The following DCAF17 variants were observed in gnomAD, a reference collection of about 807,000 sequenced individuals.
DCAF17 encodes DDB1 and CUL4 associated factor 17, also known as DDB1- and CUL4-associated factor 17.
Under a neutral mutation model 66.0 loss-of-function variants are expected in DCAF17, and 48 were observed. The observed-to-expected ratio is 0.73, with a 90% CI of 0.58 to 0.92. The LOEUF is 0.92. Ranked by LOEUF, DCAF17 falls within the 40% of genes least tolerant of loss-of-function variation. The probability of loss-of-function intolerance (pLI) is 0.00; values close to 1 mark genes in which losing one functional copy is unlikely to be tolerated. For synonymous variants in DCAF17, 206 were observed against 214.6 expected (o/e 0.96, Z 0.35); for missense variants, 562 against 622.8 (o/e 0.90, Z 1.04).
chr2:171,448,967 C>A, intron 4 of DCAF17, 150 bp downstream of exon 4: 1 of 701,810 alleles, frequency 1.4e-6, no homozygotes, highest in Non-Finnish European at 2.4e-6. Flanking sequence ...CCCCTCATGA[C>A]TACATTTAGA....
At position 171,434,278 on chromosome 2, in the gene DCAF17, A is replaced by C; in HGVS notation, c.-300A>C. ...TAGGAACTACATTTCCCGGTGAGAG[A>C]GCGGCTCCGGCCGGCCGCGCGGTAC... On this transcript the variant is annotated 5_prime_UTR_variant, in exon 1 of 14. Transcript: ENST00000375255. 1 of 552,346 alleles carries C rather than the reference A, an allele frequency of 1.8e-6. No individual in the cohort carries two copies. The highest frequency in any genetic ancestry group is 1.5e-5 in the South Asian group (1 of 65,122). The allele number at this position is 552,346 out of a possible 1,614,324, so 34.2% of individuals were successfully genotyped here. A position where few individuals can be genotyped will look rare whatever the true frequency, so the allele number is the denominator to read the frequency against.
intron 8 of DCAF17, 53 bp downstream of exon 8, chr2:171,458,530 A>T: frequency 7.5e-7 from 1 of 1,337,910 alleles, no homozygotes; most frequent in East Asian, 2.3e-5. Flanking sequence ...GTGGTCATAT[A>T]AATAGTTATT....
At chr2:171,447,521 C>T (rs1181334217) in intron 3 of DCAF17, 1 of 173,502 alleles carries the variant, frequency 5.8e-6, no homozygotes, top group Non-Finnish European at 1.2e-5. Context: ...CCGCAACGCC[C>T]AGCTAATTTT....
chr2:171,484,069 G>A lies in DCAF17; in HGVS notation c.*2955G>A. 1 of 454,028 alleles carries A rather than the reference G, an allele frequency of 2.2e-6. No individual in the cohort carries two copies. Among genetic ancestry groups the A allele is most frequent in the Non-Finnish European group, 4.4e-6 (1 of 226,770 alleles). 28.1% of individuals were successfully genotyped at this position (454,028 alleles called of 1,614,324 possible). On this transcript the variant is annotated 3_prime_UTR_variant, in exon 14 of 14. Transcript: ENST00000375255. ...GATACAAGTCACACATAAATTGACA[G>A]AAAATGTAGTTCTTCATTCAATGGT... is the stretch of plus-strand genomic sequence containing the variant.
At chr2:171,457,575 T>G (rs1202358204) in intron 6 of DCAF17, among the ~76,000 whole-genome samples, 1 of 152,224 alleles carries the variant, frequency 6.6e-6, no homozygotes, top group Non-Finnish European at 1.5e-5. Flanking sequence ...TAAAGAACAT[T>G]TTAGCATAAA....
At chr2:171,455,463 A>T (rs943432240) in intron 6 of DCAF17, among the ~76,000 whole-genome samples, 2 of 152,170 alleles carry the variant, frequency 1.3e-5, no homozygotes, top group African/African-American at 4.8e-5. Flanking sequence ...GCTGCAGTGA[A>T]CGTATATGTG....
chr2:171,439,896 C>T (rs926817493), intron 2 of DCAF17, among the ~76,000 whole-genome samples: 2 of 152,154 alleles, frequency 1.3e-5, no homozygotes, highest in African/African-American at 4.8e-5. Context: ...TGCCACTGCA[C>T]TCCAGCCTGG....
intron 1 of DCAF17, 71 bp downstream of exon 1, chr2:171,434,774 C>T (rs1328640914): frequency 2.2e-6 from 3 of 1,385,986 alleles, no homozygotes; most frequent in Non-Finnish European, 2.8e-6. Context: ...TGCGGGGATG[C>T]GGTTTTAACG....
At chr2:171,472,939 G>A in intron 9 of DCAF17, 1 of 332,540 alleles carries the variant, frequency 3.0e-6, no homozygotes, top group Middle Eastern at 4.0e-4. Context: ...TTCGTTCCCA[G>A]TGCTTCTGGA....
chr2:171,457,813 C>G (rs1159502028), intron 6 of DCAF17, among the ~76,000 whole-genome samples, 158 bp from the exon 7 acceptor site: 2 of 152,174 alleles, frequency 1.3e-5, no homozygotes, highest in South Asian at 4.1e-4. Flanking sequence ...TAATAACACC[C>G]TAGCCTCAAG....
intron 6 of DCAF17, among the ~76,000 whole-genome samples, chr2:171,456,331 A>G (rs1695259425): frequency 6.6e-6 from 1 of 152,062 alleles, no homozygotes; most frequent in African/African-American, 2.4e-5. Context: ...CAGTCTTATT[A>G]ATATTTCTGG....
At chr2:171,466,896 A>G (rs1332950002) in intron 8 of DCAF17, among the ~76,000 whole-genome samples, 5 of 151,856 alleles carry the variant, frequency 3.3e-5, no homozygotes, top group Non-Finnish European at 7.4e-5. Context: ...TTCATCCACC[A>G]TATCATCACA....
intron 8 of DCAF17, among the ~76,000 whole-genome samples, chr2:171,466,998 C>G (rs1695942653): frequency 6.6e-6 from 1 of 151,546 alleles, no homozygotes; most frequent in Non-Finnish European, 1.5e-5. Context: ...CTTAAAAGAC[C>G]TTTATATATT....
intron 8 of DCAF17, among the ~76,000 whole-genome samples, chr2:171,467,660 G>A (rs536721271): frequency 1.0e-3 from 151 of 149,804 alleles, no homozygotes; most frequent in African/African-American, 3.7e-3. Flanking sequence ...AACCCAGGAG[G>A]TGAAGGTTGC....
chr2:171,440,280 T>C (rs1430227686), intron 2 of DCAF17, among the ~76,000 whole-genome samples: 1 of 152,228 alleles, frequency 6.6e-6, no homozygotes, highest in Non-Finnish European at 1.5e-5. Context: ...ATATATGATA[T>C]GATATATTGG....
chr2:171,482,689 T>C lies in DCAF17; in HGVS notation c.*1575T>C, dbSNP rs781276466. 16 of 453,736 alleles carry C rather than the reference T, an allele frequency of 3.5e-5. No homozygotes were observed. The highest frequency in any genetic ancestry group is 2.5e-4 in the South Asian group (16 of 64,418). 28.1% of individuals were successfully genotyped at this position (453,736 alleles called of 1,614,324 possible). On this transcript the variant is annotated 3_prime_UTR_variant, in exon 14 of 14. Coordinates refer to ENST00000375255, the MANE Select transcript of DCAF17 (RefSeq NM_025000.4). Reference sequence around the variant, plus strand: ...AGAGATTTTTTTTTTTAGGTGATTATTGAGTTTCTCCTTCTCCTTTAAGTC... The same window carrying C: ...AGAGATTTTTTTTTTTAGGTGATTACTGAGTTTCTCCTTCTCCTTTAAGTC...
Position 171,458,462 on chromosome 2 carries a change from A to G in DCAF17, c.823A>G (p.Asn275Asp). The change falls in exon 8 of 14, where the codon AAT becomes GAT. Residue 275 changes from asparagine to aspartate, a missense_variant. Physicochemically the swap from Asn to Asp is conservative, Grantham distance 23. Coordinates refer to ENST00000375255, the MANE Select transcript of DCAF17 (RefSeq NM_025000.4). ...AGAGGCTCCTTTTGGCATTCCTTGT[A>G]ATATTAAAATCACAGGTATGGCTAC... ...VGEAPFGIPC[N>D]IKITDMPPLL... 1 of 1,613,502 alleles carries G rather than the reference A, an allele frequency of 6.2e-7. No homozygotes were observed. The highest frequency in any genetic ancestry group is 8.5e-7 in the Non-Finnish European group (1 of 1,179,466).
chr2:171,448,039 A>G (rs1694732441), intron 3 of DCAF17, among the ~76,000 whole-genome samples: 1 of 152,262 alleles, frequency 6.6e-6, no homozygotes, highest in Non-Finnish European at 1.5e-5. Context: ...TGAATAATGA[A>G]GTAATTTGCA....
chr2:171,475,229 C>A (rs1247250344), intron 10 of DCAF17, among the ~76,000 whole-genome samples: 1 of 152,162 alleles, frequency 6.6e-6, no homozygotes, highest in Non-Finnish European at 1.5e-5. Context: ...TTTCCACAGA[C>A]CTTCCCTGAT....
Sources: allele counts gnomAD v4.1 joint callset (sites outside exome capture counted in the v4.1 genomes callset), GRCh38; gene constraint gnomAD v4.1.1; transcripts MANE v1.5; gene names NCBI Gene and HGNC (gene_info 2026-07-23, HGNC 2026-07-21).